The following SMC5 variants were observed in gnomAD, a reference collection of about 807,000 sequenced individuals.
The protein encoded by SMC5 is structural maintenance of chromosomes protein 5.
A neutral mutation model predicts 148.3 loss-of-function variants in SMC5; 88 were observed. The ratio of observed to expected loss-of-function variants is 0.59; its 90% confidence interval spans 0.50 to 0.71. The LOEUF (loss-of-function observed/expected upper bound fraction) is 0.71, where lower values mean the gene tolerates loss of function less well. SMC5 is among the 30% of genes least tolerant of loss of function. SMC5 has a pLI of 0.00. For synonymous variants in SMC5, 421 were observed against 432.8 expected, an observed-to-expected ratio of 0.97 and a Z score of 0.34; for missense variants, 1,142 against 1,298.9, an observed-to-expected ratio of 0.88 and a Z score of 1.86.
intron 5 of SMC5, among the ~76,000 whole-genome samples, chr9:70,278,871 A>G (rs1219012941): frequency 2.0e-5 from 3 of 152,186 alleles, no homozygotes; most frequent in Non-Finnish European, 4.4e-5. Flanking sequence ...GGAACCAGTA[A>G]CAGTATTATA....
At chr9:70,282,738 G>A (rs1008244076) in intron 7 of SMC5, among the ~76,000 whole-genome samples, 155 bp downstream of exon 7, 1 of 152,028 alleles carries the variant, frequency 6.6e-6, no homozygotes, top group African/African-American at 2.4e-5. Flanking sequence ...GGATTTTCAA[G>A]GACATACTTA....
intron 17 of SMC5, 69 bp from the exon 18 acceptor site, chr9:70,344,075 G>C: frequency 2.3e-6 from 2 of 876,134 alleles, no homozygotes; most frequent in East Asian, 6.5e-5. Context: ...TTAATATGTG[G>C]TAGTTTAATA....
At chr9:70,286,380 C>T in intron 8 of SMC5, 109 bp downstream of exon 8, 1 of 668,174 alleles carries the variant, frequency 1.5e-6, no homozygotes, top group South Asian at 2.0e-5. Context: ...AGATCCTCTG[C>T]ATTCTCTATT....
intron 17 of SMC5, among the ~76,000 whole-genome samples, chr9:70,328,402 A>G (rs987429273): frequency 1.4e-4 from 22 of 152,218 alleles, no homozygotes; most frequent in Admixed American, 1.0e-3. Context: ...CCCCCTTTCA[A>G]AAAGGGAGAA....
At position 70,301,350 on chromosome 9, in the gene SMC5, T is replaced by A. The variant is rs560036719; in HGVS notation, c.1464+1150T>A. On this transcript the variant is annotated intron_variant, in intron 10 of 24. Coordinates refer to ENST00000361138, the MANE Select transcript of SMC5 (RefSeq NM_015110.4). ...GTCAGATTAATAGCTGGCATATATT[T>A]CCATTTTAAATTGCATTCGAATCTT... 1.2e-4 allele frequency among the ~76,000 whole-genome samples: 19 copies of A among 152,300 alleles called. 1 individual carries two copies. The highest frequency in any genetic ancestry group is 4.6e-4 in the African/African-American group (19 of 41,568).
intron 8 of SMC5, among the ~76,000 whole-genome samples, chr9:70,289,157 T>A (rs1000982589): frequency 1.3e-5 from 2 of 151,884 alleles, no homozygotes; most frequent in Non-Finnish European, 2.9e-5. Context: ...CCTGCCTGAG[T>A]CTCCCAAGTA....
At chr9:70,333,438 T>A (rs1317794618) in intron 17 of SMC5, among the ~76,000 whole-genome samples, 2 of 151,948 alleles carry the variant, frequency 1.3e-5, no homozygotes, top group Non-Finnish European at 2.9e-5. Flanking sequence ...CCACTGCGCT[T>A]CAGCCTCCTG....
At chr9:70,294,049 G>A (rs2035133602) in intron 8 of SMC5, among the ~76,000 whole-genome samples, 1 of 152,070 alleles carries the variant, frequency 6.6e-6, no homozygotes, top group South Asian at 2.1e-4. Flanking sequence ...TAGCTACATG[G>A]AGTCTCCTTA....
chr9:70,352,272 T>C lies in SMC5; in HGVS notation c.3247T>C (p.Trp1083Arg). The C allele has an allele frequency of 1.2e-6, 2 of 1,613,876 alleles. No homozygotes were observed. The highest frequency in any genetic ancestry group is 1.7e-6 in the Non-Finnish European group (2 of 1,179,920). The change falls in exon 25 of 25, where the codon TGG (tryptophan) becomes CGG (arginine). Residue 1083 changes from tryptophan to arginine, a missense_variant. By Grantham distance (101) the Trp-to-Arg change is moderately radical. Coordinates refer to ENST00000361138, the MANE Select transcript of SMC5 (RefSeq NM_015110.4). ...CCCTCATATGCTGGAACCAAACACA[T>C]GGAATTTAAAGGCTTTCCAAAGGCG... ...NGPHMLEPNT[W>R]NLKAFQRRRR...
chr9:70,272,313 T>C (rs1373671950), intron 3 of SMC5, among the ~76,000 whole-genome samples: 4 of 152,182 alleles, frequency 2.6e-5, no homozygotes, highest in Non-Finnish European at 5.9e-5. Context: ...AAAATTAAAC[T>C]AGCACAGATA....
intron 8 of SMC5, among the ~76,000 whole-genome samples, chr9:70,296,819 T>C (rs926332133): frequency 2.0e-5 from 3 of 152,200 alleles, no homozygotes; most frequent in African/African-American, 7.2e-5. Flanking sequence ...AAGAAAATCT[T>C]TACTCTGTCT....
chr9:70,286,170 T>TG, intron 7 of SMC5, 30 bp from the exon 8 acceptor site: 6 of 1,397,194 alleles, frequency 4.3e-6, no homozygotes, highest in South Asian at 1.2e-5. Flanking sequence ...TAACTAGCTG[T>TG]CCCCCCCTCT....
intron 13 of SMC5, 56 bp downstream of exon 13, chr9:70,315,634 A>G (rs2035781033): frequency 2.9e-6 from 4 of 1,400,886 alleles, no homozygotes; most frequent in Non-Finnish European, 3.8e-6. Flanking sequence ...AGTTTTGTTA[A>G]AACTTCTTAG....
chr9:70,286,717 C>CTTTTTTT (rs34919823), intron 8 of SMC5: 6 of 117,460 alleles, frequency 5.1e-5, no homozygotes, highest in Non-Finnish European at 7.0e-5. Flanking sequence ...AACTTTTCGT[C>CTTTTTTT]TTTTTTTTTT....
chr9:70,349,412 G>A (rs2036750891), intron 22 of SMC5, among the ~76,000 whole-genome samples: 1 of 152,078 alleles, frequency 6.6e-6, no homozygotes, highest in Non-Finnish European at 1.5e-5. Context: ...ATCTGAACCT[G>A]ACATAGAAGT....
At chr9:70,297,052 C>T (rs562585016) in intron 8 of SMC5, among the ~76,000 whole-genome samples, 1 of 152,204 alleles carries the variant, frequency 6.6e-6, no homozygotes, top group South Asian at 2.1e-4. Context: ...TATCTCTATC[C>T]AAAATACTTG....
chr9:70,275,317 C>T (rs892477932), intron 3 of SMC5, among the ~76,000 whole-genome samples: 1 of 151,962 alleles, frequency 6.6e-6, no homozygotes, highest in Middle Eastern at 3.2e-3. Flanking sequence ...TTCAAGTGAT[C>T]CTCCTGCCTC....
intron 3 of SMC5, among the ~76,000 whole-genome samples, chr9:70,269,995 A>G (rs1422744254): frequency 1.3e-5 from 2 of 152,198 alleles, no homozygotes; most frequent in Non-Finnish European, 1.5e-5. Flanking sequence ...TCTACACCAG[A>G]TGTGTGGGGT....
intron 1 of SMC5, among the ~76,000 whole-genome samples, chr9:70,261,508 T>A (rs180709108): frequency 6.6e-6 from 1 of 152,238 alleles, no homozygotes; most frequent in Admixed American, 6.5e-5. Context: ...GAGGGAGCAG[T>A]TTGAGGAGAA....
Sources: allele counts gnomAD v4.1 joint callset (sites outside exome capture counted in the v4.1 genomes callset), GRCh38; gene constraint gnomAD v4.1.1; transcripts MANE v1.5; gene names NCBI Gene and HGNC (gene_info 2026-07-23, HGNC 2026-07-21).